The following LIG3 variants were observed in gnomAD, a reference collection of about 807,000 sequenced individuals.
The protein encoded by LIG3 is DNA ligase 3.
LIG3 carries 58 observed loss-of-function variants against 110.9 expected under a neutral mutation model. The ratio of observed to expected loss-of-function variants is 0.52; its 90% CI spans 0.42 to 0.65. The LOEUF is 0.65. Among genes scored for constraint, LIG3 ranks in the 30% least tolerant of loss-of-function variants. The pLI, the probability that LIG3 is intolerant of heterozygous loss-of-function variation, is 0.00. For synonymous variants in LIG3, 422 were observed against 472.8 expected, an observed-to-expected ratio of 0.89 and a Z score of 1.39; for missense variants, 1,094 against 1,273.8, an observed-to-expected ratio of 0.86 and a Z score of 2.15.
chr17:35,000,608 CTTT>C (rs57663136), intron 16 of LIG3, among the ~76,000 whole-genome samples: 250 of 80,390 alleles, frequency 3.1e-3, no homozygotes, highest in African/African-American at 0.014. Flanking sequence ...TTGGGAGATA[CTTT>C]TTTTTTTTTT....
intron 12 of LIG3, 37 bp from the exon 13 acceptor site, chr17:34,998,175 TTCTCCAC>T (rs1450124785): frequency 1.3e-6 from 2 of 1,497,632 alleles, no homozygotes; most frequent in Middle Eastern, 1.7e-4. Flanking sequence ...ACTCACCACC[TTCTCCAC>T]TCTCACACCA....
At chr17:34,991,143 A>T (rs1198785670) in intron 5 of LIG3, 29 bp downstream of exon 5, 1 of 1,610,266 alleles carries the variant, frequency 6.2e-7, no homozygotes. Flanking sequence ...AGGGTAGGCT[A>T]CATTCCAGGT....
At position 34,989,574 on chromosome 17, in the gene LIG3, G is replaced by A. The variant is rs771323148; in HGVS notation, c.800G>A (p.Arg267Gln). ...RHKDCLLREF[R>Q]KLCAMVADNP... ...AAGGACTGTCTGCTACGGGAGTTTC[G>A]AAAGTTATGCGCCATGGTGGCCGAT... The change falls in exon 4 of 20, where the codon CGA (arginine) becomes CAA (glutamine). Residue 267 changes from arginine (R) to glutamine (Q), a missense_variant. By Grantham distance (43) the Arg-to-Gln change is conservative. Coordinates refer to ENST00000378526, the MANE Select transcript of LIG3 (RefSeq NM_013975.4). 2.4e-5 allele frequency: 38 copies of A among 1,614,006 alleles called. No homozygotes were observed. The highest frequency in any genetic ancestry group is 2.5e-5 in the Non-Finnish European group (30 of 1,180,026).
intron 9 of LIG3, 32 bp downstream of exon 9, chr17:34,994,463 CTT>C (rs1567690515): frequency 6.2e-7 from 1 of 1,602,560 alleles, no homozygotes; most frequent in African/African-American, 1.3e-5. Context: ...CCAGGACCGT[CTT>C]TCCCCTTTCT....
At chr17:35,000,805 G>A (rs942224689) in intron 16 of LIG3, among the ~76,000 whole-genome samples, 1 of 151,546 alleles carries the variant, frequency 6.6e-6, no homozygotes, top group Non-Finnish European at 1.5e-5. Flanking sequence ...GTAGAGATAG[G>A]GTTTTACCAT....
chr17:34,998,099 A>G (rs2090798492), intron 12 of LIG3, 120 bp from the exon 13 acceptor site: 1 of 749,600 alleles, frequency 1.3e-6, no homozygotes, highest in East Asian at 2.6e-5. Context: ...TTTGTCCCTT[A>G]TATTTCAAGT....
chr17:34,996,588 G>A lies in LIG3; in HGVS notation c.1758G>A (p.Gln586=). ...TLGVHKKAAF[Q]DANVCLFVFD... ...TTCCCTTACAGAAAGCAGCCTTCCAGGATGCTAATGTCTGCCTGTTTGTTT... is the reference window on the plus strand; with the variant it reads ...TTCCCTTACAGAAAGCAGCCTTCCAAGATGCTAATGTCTGCCTGTTTGTTT... Residue 586 remains glutamine, a synonymous_variant, in exon 11 of 20, where the codon CAG becomes CAA. Coordinates refer to ENST00000378526, the MANE Select transcript of LIG3 (RefSeq NM_013975.4). The A allele has an allele frequency of 6.2e-7, 1 of 1,613,938 alleles. No individual in the cohort carries two copies. The highest frequency in any genetic ancestry group is 1.1e-5 in the South Asian group (1 of 91,074).
chr17:34,981,742 C>T (rs534360731), intron 1 of LIG3, among the ~76,000 whole-genome samples: 3 of 152,316 alleles, frequency 2.0e-5, no homozygotes, highest in Non-Finnish European at 2.9e-5. Flanking sequence ...TTTATTATAA[C>T]GTGACAGCAA....
intron 19 of LIG3, chr17:35,003,231 C>A: frequency 7.3e-7 from 1 of 1,373,818 alleles, no homozygotes; most frequent in Non-Finnish European, 9.7e-7. Flanking sequence ...TGGTGACTCT[C>A]CTCCCACCTG....
At chr17:34,987,056 C>T (rs957155039) in intron 3 of LIG3, among the ~76,000 whole-genome samples, 3 of 152,178 alleles carry the variant, frequency 2.0e-5, no homozygotes, top group African/African-American at 7.2e-5. Context: ...ATTTGTAGGA[C>T]AGATGAACAA....
rs1179441149 is a variant in LIG3, at chr17:34,980,529, T to C, written c.-98T>C. ...TGCCTCCCGCTCTAGGACCCGGATT[T>C]AAAGAGACAGGCGCTCCAACCGTCG... On this transcript the variant is annotated 5_prime_UTR_variant, in exon 1 of 20. Coordinates refer to ENST00000378526, the MANE Select transcript of LIG3 (RefSeq NM_013975.4). 1.6e-6 allele frequency: 2 copies of C among 1,284,026 alleles called. No individual in the cohort carries two copies. Among genetic ancestry groups the C allele is most frequent in the East Asian group, 1.1e-4 (2 of 17,626 alleles). The allele number at this position is 1,284,026 out of a possible 1,614,324, so 79.5% of individuals were successfully genotyped here.
intron 19 of LIG3, chr17:35,002,999 G>T: frequency 5.0e-6 from 8 of 1,614,134 alleles, no homozygotes; most frequent in Non-Finnish European, 4.2e-6. Context: ...TTGCAGAGGC[G>T]GCCAGCCAGT....
chr17:35,004,638 T>C lies in LIG3; in HGVS notation c.*132T>C, dbSNP rs936582924. On this transcript the variant is annotated 3_prime_UTR_variant, in exon 20 of 20. Coordinates refer to ENST00000378526, the MANE Select transcript of LIG3 (RefSeq NM_013975.4). ...TCTCCCAAACCCACCAGTTCTCCAC[T>C]GTCTCTTCTGGACCAGGAATTAGTT... 4.6e-5 allele frequency: 31 copies of C among 678,456 alleles called. No individual in the cohort carries two copies. Among genetic ancestry groups the C allele is most frequent in the Non-Finnish European group, 7.3e-5 (29 of 394,734 alleles). 42.0% of individuals were successfully genotyped at this position (678,456 alleles called of 1,614,324 possible).
At chr17:34,997,185 A>G (rs1327617466) in intron 11 of LIG3, 2 of 165,044 alleles carry the variant, frequency 1.2e-5, no homozygotes, top group Non-Finnish European at 2.7e-5. Context: ...CTGCATCCAT[A>G]TGCTTGTGCC....
intron 8 of LIG3, 42 bp downstream of exon 8, chr17:34,992,734 G>A (rs1197001222): frequency 1.3e-6 from 2 of 1,516,752 alleles, no homozygotes. Flanking sequence ...GCCTCTCCAA[G>A]CTCCACATCC....
intron 9 of LIG3, among the ~76,000 whole-genome samples, chr17:34,995,826 T>C (rs2090772095): frequency 6.6e-6 from 1 of 152,166 alleles, no homozygotes; most frequent in African/African-American, 2.4e-5. Flanking sequence ...CTACAGCCCA[T>C]AGAAAGTGAC....
rs2090622001 is a variant in LIG3 at position 34,983,204 on chromosome 17, C to T, written c.199C>T (p.Arg67Cys). 2.5e-6 allele frequency: 4 copies of T among 1,614,076 alleles called. No individual in the cohort carries two copies. The highest frequency in any genetic ancestry group is 3.4e-6 in the Non-Finnish European group (4 of 1,180,020). The change falls in exon 2 of 20, where the codon CGT becomes TGT. Residue 67 changes from arginine to cysteine, a missense_variant. Arg to Cys is a radical substitution (Grantham distance 180). Transcript: ENST00000378526. ...ATTCCAGGGAAGCCATCTAAGATCA[C>T]GTGCCACCTACCTTGTTTTCTTGCC... ...LSFQGSHLRS[R>C]ATYLVFLPGL... is the part of the protein sequence containing the mutation.
chr17:34,998,396 T>C (rs2090803027), intron 13 of LIG3, 100 bp downstream of exon 13: 1 of 1,165,800 alleles, frequency 8.6e-7, no homozygotes, highest in African/African-American at 1.5e-5. Flanking sequence ...CAGCCTGCAG[T>C]GGTTGGGGTG....
rs753544151 is a variant in LIG3, at chr17:35,001,914, G to A, written c.2484G>A (p.Leu828=). ...SATNLPQLKE[L]YQLSKEKADF... is the part of the protein sequence containing the mutation. ...ATTGTCCCTCCCCGCCTCAGGAACTGTACCAGTTGTCCAAGGAGAAGGCAG... is the reference window on the plus strand; with the variant it reads ...ATTGTCCCTCCCCGCCTCAGGAACTATACCAGTTGTCCAAGGAGAAGGCAG... Residue 828 remains leucine, a synonymous_variant, in exon 18 of 20, where the codon CTG becomes CTA. Coordinates refer to ENST00000378526, the MANE Select transcript of LIG3 (RefSeq NM_013975.4). The A allele has an allele frequency of 1.2e-6, 2 of 1,610,094 alleles. No homozygotes were observed. The highest frequency in any genetic ancestry group is 1.1e-5 in the South Asian group (1 of 90,452).
Sources: allele counts gnomAD v4.1 joint callset (sites outside exome capture counted in the v4.1 genomes callset), GRCh38; gene constraint gnomAD v4.1.1; transcripts MANE v1.5; gene names NCBI Gene and HGNC (gene_info 2026-07-23, HGNC 2026-07-21).